TENM1: variants seen among roughly 807,000 people sequenced by gnomAD.
TENM1 encodes teneurin transmembrane protein 1.
Under a neutral mutation model 174.8 loss-of-function variants are expected in TENM1, and 35 were observed. The observed-to-expected ratio is 0.20, with a 90% CI of 0.15 to 0.27. The LOEUF is 0.27. TENM1 is among the 10% of genes least tolerant of loss of function. TENM1 has a pLI of 1.00. For synonymous variants in TENM1, 781 were observed against 798.7 expected (o/e 0.98, Z 0.37); for missense variants, 1,633 against 2,130.1 (o/e 0.77, Z 4.59).
At chrX:124,682,333 T>C (rs2052255850) in intron 5 of TENM1, among the ~76,000 whole-genome samples, 1 of 111,505 alleles carries the variant, frequency 9.0e-6, no homozygotes, top group Non-Finnish European at 1.9e-5. Flanking sequence ...AAGGTTAGCA[T>C]AAAGCAGTTA....
chrX:124,917,228 G>A (rs997905155), intron 1 of TENM1, among the ~76,000 whole-genome samples: 5 of 111,880 alleles, frequency 4.5e-5, no homozygotes, highest in Middle Eastern at 9.2e-3. Flanking sequence ...ATACAAGGGA[G>A]TCTTGACAGT....
intron 11 of TENM1, among the ~76,000 whole-genome samples, chrX:124,599,841 T>C (rs2049987416): frequency 9.1e-6 from 1 of 109,737 alleles, no homozygotes; most frequent in Non-Finnish European, 1.9e-5. Context: ...GATAAGGGGA[T>C]CTTGATTTTA....
At chrX:124,414,245 C>T (rs927678174) in intron 25 of TENM1, among the ~76,000 whole-genome samples, 1 of 111,582 alleles carries the variant, frequency 9.0e-6, no homozygotes, top group Non-Finnish European at 1.9e-5. Flanking sequence ...CCACAAAGGG[C>T]AAGGGGCCTG....
chrX:124,418,257 C>T (rs35873210), intron 25 of TENM1, among the ~76,000 whole-genome samples: 1 of 111,829 alleles, frequency 8.9e-6, no homozygotes, highest in East Asian at 2.8e-4. Flanking sequence ...ACTTCCATCA[C>T]AATGGCTGCC....
the TENM1 span, among the ~76,000 whole-genome samples, chrX:125,058,977 TTCA>T: frequency 5.1e-5 from 5 of 98,644 alleles, no homozygotes; most frequent in East Asian, 3.0e-4. Flanking sequence ...TTAGAACATT[TTCA>T]TCATCATCAC....
chrX:124,742,114 A>G, intron 3 of TENM1, among the ~76,000 whole-genome samples: 1 of 111,980 alleles, frequency 8.9e-6, no homozygotes, highest in Non-Finnish European at 1.9e-5. Flanking sequence ...AGCTTTTCTG[A>G]AATCCATGTA....
the TENM1 span, among the ~76,000 whole-genome samples, chrX:125,070,979 T>G: frequency 8.9e-6 from 1 of 112,017 alleles, no homozygotes; most frequent in East Asian, 2.8e-4. Flanking sequence ...AATCAGCTCT[T>G]CAAACAGAAA....
intron 4 of TENM1, among the ~76,000 whole-genome samples, chrX:124,723,017 T>C (rs2053352787): frequency 9.0e-6 from 1 of 110,608 alleles, no homozygotes; most frequent in African/African-American, 3.3e-5. Context: ...ACTGGGTCTG[T>C]TTCTTCTTGT....
At chrX:124,789,097 G>A (rs765115401) in intron 3 of TENM1, among the ~76,000 whole-genome samples, 9 of 112,004 alleles carry the variant, frequency 8.0e-5, no homozygotes, top group Non-Finnish European at 1.5e-4. Context: ...GCACTTGCAG[G>A]GTCAATACCA....
rs975042057 is a variant in TENM1, at chrX:124,777,731, G to T, written c.536-40534C>A. On this transcript the variant is annotated intron_variant, in intron 3 of 31. Transcript: ENST00000422452. Reference sequence around the variant, plus strand: ...CCTGATGATAATTAACATTTAAAGTGTGGAATATCCTTCCTTGTATTGATA... The same window carrying T: ...CCTGATGATAATTAACATTTAAAGTTTGGAATATCCTTCCTTGTATTGATA... Among the ~76,000 whole-genome samples, 9 of 112,337 alleles carry T rather than the reference G, an allele frequency of 8.0e-5. No individual in the cohort carries two copies. In the Admixed American group the frequency reaches 8.5e-4, roughly 11 times the overall value.
intron 3 of TENM1, among the ~76,000 whole-genome samples, chrX:124,762,039 A>C (rs2054430337): frequency 8.9e-6 from 1 of 112,331 alleles, no homozygotes; most frequent in Non-Finnish European, 1.9e-5. Flanking sequence ...ATTATTACAT[A>C]AAGCCCAATA....
At chrX:124,877,066 T>C (rs1486011464) in intron 3 of TENM1, among the ~76,000 whole-genome samples, 1 of 112,407 alleles carries the variant, frequency 8.9e-6, no homozygotes, top group East Asian at 2.8e-4. Context: ...ATTATAAAAA[T>C]TGTTAAATTC....
the TENM1 span, among the ~76,000 whole-genome samples, chrX:125,014,099 A>G: frequency 8.9e-6 from 1 of 111,928 alleles, no homozygotes; most frequent in African/African-American, 3.2e-5. Flanking sequence ...CAATAATGTA[A>G]TTATAAAAAC....
chrX:124,840,548 CAA>C (rs1466791710), intron 3 of TENM1, among the ~76,000 whole-genome samples: 1 of 111,159 alleles, frequency 9.0e-6, no homozygotes, highest in Non-Finnish European at 1.9e-5. Context: ...AGAAACAGCT[CAA>C]GACTAACCCC....
At chrX:124,441,594 G>A (rs938256696) in intron 23 of TENM1, among the ~76,000 whole-genome samples, 9 of 111,780 alleles carry the variant, frequency 8.1e-5, no homozygotes, top group African/African-American at 2.6e-4. Context: ...TGTGACTCGT[G>A]GTTTGACTGA....
At chrX:124,561,744 C>G in exon 14 of TENM1, 1 of 1,211,370 alleles carries the variant, frequency 8.3e-7, no homozygotes, top group Non-Finnish European at 1.1e-6. Context: ...TCCAACCCAC[C>G]TGACACACAC....
At chrX:124,463,839 GTGTGTGTGTGTGTGTGT>G (rs1569533024) in intron 22 of TENM1, among the ~76,000 whole-genome samples, 1 of 62,819 alleles carries the variant, frequency 1.6e-5, no homozygotes, top group African/African-American at 1.2e-4. Context: ...AGGTTGGGGT[GTGTGTGTGTGTGTGTGT>G]GTGTGTGTGT....
At chrX:124,629,657 G>A (rs185141525) in intron 11 of TENM1, among the ~76,000 whole-genome samples, 323 of 112,299 alleles carry the variant, frequency 2.9e-3, no homozygotes, top group Non-Finnish European at 4.4e-3. Flanking sequence ...GAGGCTCAGA[G>A]AATCCAAGCA....
chrX:125,069,803 T>C, the TENM1 span, among the ~76,000 whole-genome samples: 2 of 111,622 alleles, frequency 1.8e-5, no homozygotes, highest in Non-Finnish European at 3.8e-5. Context: ...ATGATAGTTC[T>C]ACTTTTAGTT....
Sources: gnomAD v4.1 joint callset for allele counts (sites outside exome capture counted in the v4.1 genomes callset) on GRCh38, gnomAD v4.1.1 for gene constraint, MANE v1.5 for transcripts, NCBI Gene and HGNC (gene_info 2026-07-23, HGNC 2026-07-21) for gene names.